The following DLG2 variants were observed in gnomAD, a reference collection of about 807,000 sequenced individuals.
DLG2 encodes disks large homolog 2.
Under a neutral mutation model 132.5 loss-of-function variants are expected in DLG2, and 45 were observed. The ratio of observed to expected loss-of-function variants is 0.34; its 90% CI spans 0.27 to 0.44. The LOEUF (loss-of-function observed/expected upper bound fraction) is 0.44. Ranked by LOEUF, DLG2 falls within the 20% of genes least tolerant of loss-of-function variation. The pLI, the probability that DLG2 is intolerant of heterozygous loss-of-function variation, is 1.00. For synonymous variants in DLG2, 424 were observed against 419.6 expected (o/e 1.01, Z -0.13); for missense variants, 1,045 against 1,196.9 (o/e 0.87, Z 1.87).
At chr11:85,189,873 G>A (rs187953786) in intron 4 of DLG2, among the ~76,000 whole-genome samples, 3 of 152,132 alleles carry the variant, frequency 2.0e-5, no homozygotes, top group South Asian at 2.1e-4. Flanking sequence ...ATAGCTCACT[G>A]TAGTCTTAAA....
At chr11:83,864,955 C>T (rs193107796) in intron 16 of DLG2, among the ~76,000 whole-genome samples, 1 of 152,100 alleles carries the variant, frequency 6.6e-6, no homozygotes, top group African/African-American at 2.4e-5. Context: ...CAGGTCACAG[C>T]CAGGCAAGGT....
intron 17 of DLG2, among the ~76,000 whole-genome samples, chr11:83,831,335 G>A (rs556352894): frequency 1.6e-4 from 24 of 152,144 alleles, no homozygotes; most frequent in Non-Finnish European, 3.2e-4. Flanking sequence ...CCTGGTGTGG[G>A]ACTATACGCT....
At chr11:84,162,930 G>C (rs1361921313) in intron 9 of DLG2, among the ~76,000 whole-genome samples, 1 of 151,896 alleles carries the variant, frequency 6.6e-6, no homozygotes, top group East Asian at 1.9e-4. Flanking sequence ...CATATATTAG[G>C]GTTGTGTTGC....
chr11:84,132,259 T>G (rs1258688378), intron 9 of DLG2, among the ~76,000 whole-genome samples: 1 of 151,988 alleles, frequency 6.6e-6, no homozygotes, highest in East Asian at 1.9e-4. Flanking sequence ...CAGTTTCACA[T>G]TGGATTACCA....
At position 83,753,790 on chromosome 11, in the gene DLG2, T is replaced by TATATC. The variant is rs1566830082; in HGVS notation, c.1825+32899_1825+32900insGATAT. Among the ~76,000 whole-genome samples, 2 of 119,306 alleles carry TATATC rather than the reference T, an allele frequency of 1.7e-5. 1 individual carries two copies. Among genetic ancestry groups the TATATC allele is most frequent in the African/African-American group, 8.5e-5 (2 of 23,614 alleles). 78.3% of individuals were successfully genotyped at this position (119,306 alleles called of 152,430 possible). Reference sequence around the variant, plus strand: ...TATGATATGGCATATATATGTCATATATATGATATATCATATATATCATAT... The same window carrying TATATC: ...TATGATATGGCATATATATGTCATATATATCATATGATATATCATATATATCATAT... On this transcript the variant is annotated intron_variant, in intron 18 of 27. Transcript: ENST00000376104.
chr11:84,707,259 A>G (rs2059884242), intron 6 of DLG2, among the ~76,000 whole-genome samples: 1 of 151,836 alleles, frequency 6.6e-6, no homozygotes, highest in Non-Finnish European at 1.5e-5. Flanking sequence ...AACCCAGAAC[A>G]TCTACCACCT....
chr11:84,456,599 T>C (rs955465831), intron 7 of DLG2, among the ~76,000 whole-genome samples: 1 of 151,398 alleles, frequency 6.6e-6, no homozygotes, highest in Non-Finnish European at 1.5e-5. Flanking sequence ...CTCTAACCTA[T>C]TCCTGAAATT....
chr11:85,100,320 T>A (rs1358096009), intron 6 of DLG2, among the ~76,000 whole-genome samples: 1 of 152,140 alleles, frequency 6.6e-6, no homozygotes, highest in African/African-American at 2.4e-5. Context: ...GAGCACCTAC[T>A]ATGCAACAGG....
In DLG2 at chr11:85,449,523, A is replaced by G. The variant is rs1179843481; in HGVS notation, c.40+149134T>C. On this transcript the variant is annotated intron_variant, in intron 3 of 27. Transcript: ENST00000376104. ...TATTCTGCCCCTTCTTTTTAATTAT[A>G]TCTTATTCCTTTCTTATATTAGAGA... Among the ~76,000 whole-genome samples, 3 of 151,834 alleles carry G rather than the reference A, an allele frequency of 2.0e-5. No individual in the cohort carries two copies. The South Asian group carries it at 6.3e-4, about 32-fold the overall frequency.
At chr11:84,264,808 A>G (rs1223780044) in intron 7 of DLG2, among the ~76,000 whole-genome samples, 2 of 152,174 alleles carry the variant, frequency 1.3e-5, no homozygotes, top group African/African-American at 4.8e-5. Flanking sequence ...GAACATTTGT[A>G]TCTTATGCTT....
intron 21 of DLG2, among the ~76,000 whole-genome samples, chr11:83,504,657 A>G (rs893131727): frequency 3.9e-5 from 6 of 152,160 alleles, no homozygotes; most frequent in East Asian, 1.9e-4. Context: ...TATCTAGGCC[A>G]GCAGAATGTA....
chr11:84,088,759 G>A (rs762629975), intron 10 of DLG2, among the ~76,000 whole-genome samples: 3 of 152,148 alleles, frequency 2.0e-5, no homozygotes, highest in Non-Finnish European at 4.4e-5. Flanking sequence ...TTTGTTGGGA[G>A]AGATGGAAAA....
intron 7 of DLG2, among the ~76,000 whole-genome samples, chr11:84,521,487 T>G (rs2099300457): frequency 6.6e-6 from 1 of 152,234 alleles, no homozygotes; most frequent in African/African-American, 2.4e-5. Flanking sequence ...ATTAAGTAAT[T>G]ACAATATGTT....
At chr11:84,499,662 C>T (rs1215720903) in intron 7 of DLG2, among the ~76,000 whole-genome samples, 2 of 151,994 alleles carry the variant, frequency 1.3e-5, no homozygotes, top group Admixed American at 6.6e-5. Flanking sequence ...AAATATTTGC[C>T]AGGTTAGCAG....
intron 3 of DLG2, among the ~76,000 whole-genome samples, chr11:85,574,426 A>G (rs2078033430): frequency 7.0e-6 from 1 of 142,466 alleles, no homozygotes; most frequent in South Asian, 2.1e-4. Context: ...TGCTCAGGCA[A>G]AAAAAAAAAA....
At chr11:84,788,854 G>C (rs927605319) in intron 6 of DLG2, among the ~76,000 whole-genome samples, 2 of 152,064 alleles carry the variant, frequency 1.3e-5, no homozygotes, top group Non-Finnish European at 2.9e-5. Flanking sequence ...TGATCCTCCA[G>C]GGTTTCCTCA....
intron 7 of DLG2, among the ~76,000 whole-genome samples, chr11:84,531,208 G>C (rs1325638890): frequency 1.3e-5 from 2 of 152,202 alleles, no homozygotes; most frequent in Non-Finnish European, 2.9e-5. Flanking sequence ...ATTATCCTAA[G>C]CATACTAACA....
At chr11:85,182,299 A>G (rs1406165490) in intron 4 of DLG2, among the ~76,000 whole-genome samples, 2 of 151,916 alleles carry the variant, frequency 1.3e-5, no homozygotes, top group Non-Finnish European at 2.9e-5. Context: ...TGTAAGACCA[A>G]GTTGTCCTTG....
chr11:85,300,499 C>T (rs2079521729), intron 3 of DLG2, among the ~76,000 whole-genome samples: 1 of 152,018 alleles, frequency 6.6e-6, no homozygotes, highest in Non-Finnish European at 1.5e-5. Flanking sequence ...GCAGGAAAAC[C>T]ATAAAGGAGA....
Sources: gnomAD v4.1 joint callset for allele counts (sites outside exome capture counted in the v4.1 genomes callset) on GRCh38, gnomAD v4.1.1 for gene constraint, MANE v1.5 for transcripts, NCBI Gene and HGNC (gene_info 2026-07-23, HGNC 2026-07-21) for gene names.